Variants in CFAP43 observed in about 807,000 individuals in gnomAD.
CFAP43 encodes the protein cilia and flagella associated protein 43.
Under a neutral mutation model 218.9 loss-of-function variants are expected in CFAP43, and 155 were observed. The observed-to-expected ratio is 0.71, with a 90% CI of 0.62 to 0.81. The LOEUF is 0.81. Among genes scored for constraint, CFAP43 ranks in the 30% least tolerant of loss-of-function variants. The pLI, the probability that CFAP43 is intolerant of heterozygous loss-of-function variation, is 0.00. For missense variants in CFAP43, 1,778 were observed against 1,954.3 expected (o/e 0.91, Z 1.70); for synonymous variants, 645 against 681.3 (o/e 0.95, Z 0.83).
rs377766932 is a variant in CFAP43 at position 104,161,987 on chromosome 10, C to A, written c.3388G>T (p.Val1130Phe). 3.7e-6 allele frequency: 6 copies of A among 1,613,690 alleles called. No individual in the cohort carries two copies. The highest frequency in any genetic ancestry group is 4.2e-6 in the Non-Finnish European group (5 of 1,179,942). The change falls in exon 26 of 38, where the codon GTC becomes TTC. Residue 1130 changes from valine (V) to phenylalanine (F), a missense_variant. By Grantham distance (50) the Val-to-Phe change is conservative. Transcript: ENST00000357060. ...LMDMMGGVLE[V>F]KKEDILRMVI... is the part of the protein sequence containing the mutation. ...ATTCTCAAAATATCTTCCTTCTTGA[C>A]TTCCAGAACTCCTCCCATCATGTCC...
At chr10:104,167,311 A>G (rs891115724) in intron 22 of CFAP43, among the ~76,000 whole-genome samples, 1 of 152,150 alleles carries the variant, frequency 6.6e-6, no homozygotes, top group African/African-American at 2.4e-5. Flanking sequence ...ACAAGGGAGG[A>G]TGAAAAGGAT....
chr10:104,198,003 T>C lies in CFAP43; in HGVS notation c.1131A>G (p.Pro377=), dbSNP rs1564788608. ...AAGCATCTAGGACTTTATTTAAGGT[T>C]GGCTCCTTACCAAAAGTGTAGATAT... ...SVYIYTFGKE[P]TLNKVLDACD... The change falls in exon 9 of 38, where the codon CCA becomes CCG. Residue 377 remains proline, a synonymous_variant. Coordinates refer to ENST00000357060, the MANE Select transcript of CFAP43 (RefSeq NM_025145.7). 2.5e-6 allele frequency: 4 copies of C among 1,613,640 alleles called. No homozygotes were observed. The highest frequency in any genetic ancestry group is 3.4e-6 in the Non-Finnish European group (4 of 1,179,674).
At chr10:104,189,140 G>T (rs2090127980) in intron 12 of CFAP43, among the ~76,000 whole-genome samples, 1 of 152,150 alleles carries the variant, frequency 6.6e-6, no homozygotes, top group African/African-American at 2.4e-5. Flanking sequence ...ATTGATGTAG[G>T]AACAAAATGT....
chr10:104,203,651 A>G (rs1317153139), intron 8 of CFAP43, 21 bp downstream of exon 8: 2 of 1,585,152 alleles, frequency 1.3e-6, no homozygotes, highest in Non-Finnish European at 1.7e-6. Context: ...TCACATATCA[A>G]GAAATTACCA....
chr10:104,208,196 C>T (rs915821064), intron 5 of CFAP43, among the ~76,000 whole-genome samples: 4 of 152,220 alleles, frequency 2.6e-5, no homozygotes, highest in Non-Finnish European at 4.4e-5. Flanking sequence ...AGTTATTCAC[C>T]GTTATCACCA....
chr10:104,138,512 C>T (rs1324540790), intron 34 of CFAP43, among the ~76,000 whole-genome samples: 2 of 151,926 alleles, frequency 1.3e-5, no homozygotes, highest in Non-Finnish European at 2.9e-5. Context: ...CCCGCCTCTA[C>T]TGAAAATACA....
In CFAP43 at chr10:104,132,127, C is replaced by G. The variant is rs540229848; in HGVS notation, c.4666G>C (p.Val1556Leu). Residue 1556 changes from valine (V) to leucine (L), a missense_variant, in exon 36 of 38, where the codon GTT (valine) becomes CTT (leucine). Around this residue, in one of 3 missense-constraint regions of CFAP43, gnomAD observed 211 missense variants for 230.6 expected, o/e 0.91. Transcript: ENST00000357060. ...TCTTTGAGACTTACCTTATCTAAAA[C>G]AGCAATGGTTTGTTCCATTATTCCA... ...QIGIMEQTIA[V>L]LDKMHKKNVE... is the part of the protein sequence containing the mutation. 9 of 1,601,488 alleles carry G rather than the reference C, an allele frequency of 5.6e-6. No homozygotes were observed. The African/African-American group carries it at 1.1e-4, about 19-fold the overall frequency.
In CFAP43 at chr10:104,157,758, G is replaced by GTT. The variant is rs1346066828; in HGVS notation, c.3540+3278_3540+3279insAA. ...TGGATGTGTGTGTGTGTGTGTGTGT[G>GTT]TGTGTGTGTGTGTGTGTGAGAGAGA... On this transcript the variant is annotated intron_variant, in intron 27 of 37. Coordinates refer to ENST00000357060, the MANE Select transcript of CFAP43 (RefSeq NM_025145.7). Among the ~76,000 whole-genome samples the GTT allele has an allele frequency of 3.2e-5, 4 of 123,940 alleles. No individual in the cohort carries two copies. In the East Asian group the frequency reaches 9.5e-4, roughly 29 times the overall value. 81.3% of individuals were successfully genotyped at this position (123,940 alleles called of 152,430 possible).
chr10:104,164,287 T>C lies in CFAP43; in HGVS notation c.3053A>G (p.Lys1018Arg). ...QIILLKDIIY[K>R]VKTVFNNEFD... ...CTCATTATTGAAAACAGTTTTTACC[T>C]TGTAAATGATATCCTGAAATATTAA... is the stretch of plus-strand genomic sequence containing the variant. The change falls in exon 24 of 38, where the codon AAG (lysine) becomes AGG (arginine). Residue 1018 changes from lysine to arginine, a missense_variant. Transcript: ENST00000357060. 1 of 1,595,464 alleles carries C rather than the reference T, an allele frequency of 6.3e-7. No homozygotes were observed. The highest frequency in any genetic ancestry group is 8.6e-7 in the Non-Finnish European group (1 of 1,167,858).
intron 12 of CFAP43, among the ~76,000 whole-genome samples, chr10:104,189,858 AAAAC>A (rs531219767): frequency 1.9e-3 from 293 of 152,146 alleles, no homozygotes; most frequent in African/African-American, 4.9e-3. Flanking sequence ...AAAACAAAAC[AAAAC>A]AAACAAACAA....
In CFAP43 at chr10:104,152,627, C is replaced by T. The variant is rs776117000; in HGVS notation, c.3640G>A (p.Ala1214Thr). 1.9e-6 allele frequency: 3 copies of T among 1,613,762 alleles called. No individual in the cohort carries two copies. Among genetic ancestry groups the T allele is most frequent in the South Asian group, 1.1e-5 (1 of 91,026 alleles). ...LKRLFERRVK[A>T]EMVTNQEELK... ...TTTACCTGGTTGGTAACCATCTCTG[C>T]CTTCACTCTCCTTTCAAAAAGTCTT... Residue 1214 changes from alanine to threonine, a missense_variant, in exon 28 of 38, where the codon GCA becomes ACA. Around this residue, in one of 3 missense-constraint regions of CFAP43, gnomAD observed 1,553 missense variants for 1,685.2 expected, o/e 0.92. Coordinates refer to ENST00000357060, the MANE Select transcript of CFAP43 (RefSeq NM_025145.7).
chr10:104,157,775 T>TGAGAGAGAGAGA lies in CFAP43; in HGVS notation c.3540+3250_3540+3261dup, dbSNP rs139314213. Among the ~76,000 whole-genome samples the TGAGAGAGAGAGA allele has an allele frequency of 5.3e-3, 474 of 90,150 alleles. 8 individuals are homozygous for TGAGAGAGAGAGA. The highest frequency in any genetic ancestry group is 0.03 in the East Asian group (87 of 2,896). The allele number at this position is 90,150 out of a possible 152,430, so 59.1% of individuals were successfully genotyped here. On this transcript the variant is annotated intron_variant, in intron 27 of 37. Transcript: ENST00000357060. ...GTGTGTGTGTGTGTGTGTGTGTGTGTGAGAGAGAGAGAGAGAGAGAGAGAG... is the reference window on the plus strand; with the variant it reads ...GTGTGTGTGTGTGTGTGTGTGTGTGTGAGAGAGAGAGAGAGAGAGAGAGAGAGAGAGAGAGAG...
chr10:104,208,033 T>C (rs895573891), intron 5 of CFAP43, among the ~76,000 whole-genome samples: 1 of 151,954 alleles, frequency 6.6e-6, no homozygotes, highest in Admixed American at 6.5e-5. Context: ...CTCATAGCCT[T>C]AGATAGTTAG....
intron 8 of CFAP43, among the ~76,000 whole-genome samples, chr10:104,202,395 G>A (rs1352775957): frequency 6.6e-6 from 1 of 152,092 alleles, no homozygotes; most frequent in Non-Finnish European, 1.5e-5. Context: ...GGATTCACTG[G>A]ACCTCTTAAA....
chr10:104,152,818 T>C (rs1052068849), intron 27 of CFAP43, 92 bp from the exon 28 acceptor site: 42 of 1,413,840 alleles, frequency 3.0e-5, no homozygotes, highest in Non-Finnish European at 3.9e-5. Flanking sequence ...GAGGGGCAGA[T>C]GGAGGGCAGC....
intron 27 of CFAP43, among the ~76,000 whole-genome samples, chr10:104,156,568 C>T (rs1355750664): frequency 6.6e-6 from 1 of 152,132 alleles, no homozygotes; most frequent in African/African-American, 2.4e-5. Context: ...GTAAACCTAA[C>T]AGACCTTACA....
chr10:104,212,198 A>C, intron 4 of CFAP43, 41 bp from the exon 5 acceptor site: 1 of 1,584,386 alleles, frequency 6.3e-7, no homozygotes, highest in Non-Finnish European at 8.6e-7. Flanking sequence ...GATGAACAGA[A>C]ACTTCTTATT....
chr10:104,209,481 G>C (rs2090788956), intron 5 of CFAP43, among the ~76,000 whole-genome samples: 1 of 152,092 alleles, frequency 6.6e-6, no homozygotes, highest in Non-Finnish European at 1.5e-5. Flanking sequence ...AATAAAAAAG[G>C]TTTTAAAATA....
Position 104,232,315 on chromosome 10 carries a change from C to T in CFAP43, c.-69G>A, listed in dbSNP as rs984998604. On this transcript the variant is annotated 5_prime_UTR_variant, in exon 1 of 38. Transcript: ENST00000357060. ...CCCCAGGGCGGGTCGGTTACCTTTC[C>T]GCCGCCGCGGGGCTGCGGGCCGCGA... 3 of 1,442,958 alleles carry T rather than the reference C, an allele frequency of 2.1e-6. No homozygotes were observed. Among genetic ancestry groups the T allele is most frequent in the Admixed American group, 2.6e-5 (1 of 38,620 alleles). 89.4% of individuals were successfully genotyped at this position (1,442,958 alleles called of 1,614,324 possible).
Sources: allele counts gnomAD v4.1 joint callset (sites outside exome capture counted in the v4.1 genomes callset), GRCh38; gene constraint gnomAD v4.1.1; regional missense constraint gnomAD v4.1.1; transcripts MANE v1.5; gene names NCBI Gene and HGNC (gene_info 2026-07-23, HGNC 2026-07-21).